The following C5orf46 variants were observed in gnomAD, a reference collection of about 807,000 sequenced individuals.
C5orf46 encodes chromosome 5 open reading frame 46, also known as uncharacterized protein C5orf46.
A neutral mutation model predicts 8.9 loss-of-function variants in C5orf46; 9 were observed. The observed-to-expected ratio is 1.01, with a 90% CI of 0.61 to 1.76. The LOEUF (loss-of-function observed/expected upper bound fraction) is 1.76. Among genes scored for constraint, C5orf46 ranks in the 40% most tolerant of loss-of-function variants. The pLI, the probability that C5orf46 is intolerant of heterozygous loss-of-function variation, is 0.00. For synonymous variants in C5orf46, 47 were observed against 41.4 expected (o/e 1.14, Z -0.52); for missense variants, 98 against 107.8 (o/e 0.91, Z 0.40).
At chr5:147,895,326 T>C (rs1223506339) in intron 3 of C5orf46, among the ~76,000 whole-genome samples, 2 of 152,140 alleles carry the variant, frequency 1.3e-5, no homozygotes, top group African/African-American at 4.8e-5. Context: ...CTCCCTAGTT[T>C]AATGTTTTTT....
chr5:147,888,528 C>T (rs189216629), downstream of C5orf46, among the ~76,000 whole-genome samples: 53 of 152,290 alleles, frequency 3.5e-4, no homozygotes, highest in East Asian at 7.3e-3. Flanking sequence ...TTTGCAAATG[C>T]CATTCACTCA....
intron 3 of C5orf46, among the ~76,000 whole-genome samples, chr5:147,893,704 G>T (rs1420413774): frequency 6.6e-6 from 1 of 152,004 alleles, no homozygotes; most frequent in Non-Finnish European, 1.5e-5. Flanking sequence ...CACCATGCCC[G>T]GCTAATTTTG....
At chr5:147,906,408 T>C in intron 1 of C5orf46, 24 bp downstream of exon 1, 2 of 1,546,348 alleles carry the variant, frequency 1.3e-6, no homozygotes, top group Non-Finnish European at 1.8e-6. Context: ...GAACAATTCA[T>C]GGGCTGTGAT....
At chr5:147,906,026 T>A (rs193274444) in intron 1 of C5orf46, among the ~76,000 whole-genome samples, 1 of 152,200 alleles carries the variant, frequency 6.6e-6, no homozygotes, top group Non-Finnish European at 1.5e-5. Flanking sequence ...CCTAGAGAGA[T>A]TGAATAGCAT....
intron 2 of C5orf46, among the ~76,000 whole-genome samples, chr5:147,897,640 T>A (rs752524746): frequency 6.6e-6 from 1 of 152,226 alleles, no homozygotes; most frequent in Non-Finnish European, 1.5e-5. Context: ...CAGATACAAG[T>A]AATTTAATAC....
chr5:147,889,673 A>T (rs1757474308), downstream of C5orf46, among the ~76,000 whole-genome samples: 1 of 152,196 alleles, frequency 6.6e-6, no homozygotes, highest in South Asian at 2.1e-4. Context: ...TTAAAAAGAA[A>T]GTAATTCCTC....
intron 1 of C5orf46, 21 bp from the exon 2 acceptor site, chr5:147,901,794 A>G (rs368816613): frequency 2.5e-6 from 4 of 1,609,710 alleles, no homozygotes; most frequent in African/African-American, 1.3e-5. Flanking sequence ...ACAGAATCTC[A>G]GAGGTGATTC....
chr5:147,899,525 A>G (rs1757634775), intron 2 of C5orf46, among the ~76,000 whole-genome samples: 1 of 152,180 alleles, frequency 6.6e-6, no homozygotes, highest in African/African-American at 2.4e-5. Flanking sequence ...GATCTGCAAG[A>G]TATCTTTCCT....
chr5:147,903,248 G>T (rs1209400883), intron 1 of C5orf46, among the ~76,000 whole-genome samples: 3 of 152,066 alleles, frequency 2.0e-5, no homozygotes, highest in Non-Finnish European at 4.4e-5. Context: ...ACCAGACTGG[G>T]TACATAAAAA....
At position 147,886,211 on chromosome 5, in the gene C5orf46, T is replaced by A. The variant is rs1196150369; in HGVS notation, n.205-5117A>T. ...GCAGGAAGGAAGTGAGTGTGTTATA[T>A]AAGAGCTGTATGAGAGATCCTTATG... On this transcript the variant is annotated intron_variant and non_coding_transcript_variant, in intron 2 of 2. Coordinates refer to the C5orf46 transcript ENST00000510432. The A allele has an allele frequency of 2.0e-5, 3 of 152,148 alleles. No individual in the cohort carries two copies. The East Asian group carries it at 5.8e-4, about 29-fold the overall frequency. The allele number at this position is 152,148 out of a possible 1,614,324, so 9.4% of individuals were successfully genotyped here.
chr5:147,890,767 T>A (rs1040498387), downstream of C5orf46, among the ~76,000 whole-genome samples: 1 of 152,124 alleles, frequency 6.6e-6, no homozygotes, highest in Non-Finnish European at 1.5e-5. Flanking sequence ...GATCCCAATA[T>A]GGCTGGAGTG....
At chr5:147,903,155 T>A (rs1014143517) in intron 1 of C5orf46, among the ~76,000 whole-genome samples, 4 of 152,190 alleles carry the variant, frequency 2.6e-5, no homozygotes, top group Admixed American at 6.5e-5. Flanking sequence ...AGTAGCTACA[T>A]GTGGTCGCCC....
At position 147,897,030 on chromosome 5, in the gene C5orf46, T is replaced by C; in HGVS notation, c.227A>G (p.Glu76Gly). 6.7e-7 allele frequency: 1 copy of C among 1,485,918 alleles called. No homozygotes were observed. Among genetic ancestry groups the C allele is most frequent in the South Asian group, 1.2e-5 (1 of 82,512 alleles). 92.0% of individuals were successfully genotyped at this position (1,485,918 alleles called of 1,614,324 possible). A position where few individuals can be genotyped will look rare whatever the true frequency, so the allele number is the denominator to read the frequency against. The stretch of plus-strand genomic sequence containing the variant: ...ATGTTTTCCTTCATTATCATCAAAT[T>C]CCATAAATCCTCTTGAGAAAAAAAG... ...RSMSRSTGFM[E>G]FDDNEGKHSS... The change falls in exon 3 of 4, where the codon GAA (glutamate) becomes GGA (glycine). Residue 76 changes from glutamate (E) to glycine (G), a missense_variant. Glu to Gly is a moderately conservative substitution (Grantham distance 98, BLOSUM62 -2). Transcript: ENST00000318315.
At chr5:147,902,416 A>G (rs576024864) in intron 1 of C5orf46, among the ~76,000 whole-genome samples, 1 of 152,238 alleles carries the variant, frequency 6.6e-6, no homozygotes, top group Admixed American at 6.5e-5. Context: ...GTTCCACTGC[A>G]CTCCAAGCCT....
At chr5:147,891,053 T>G (rs546638744), downstream of C5orf46, among the ~76,000 whole-genome samples, 1 of 152,312 alleles carries the variant, frequency 6.6e-6, no homozygotes, top group Admixed American at 6.5e-5. Flanking sequence ...GATTGTGTCC[T>G]CAGCATGTCA....
Position 147,906,422 on chromosome 5 carries a change from A to C in C5orf46, c.70+10T>G. 6.3e-7 allele frequency: 1 copy of C among 1,594,466 alleles called. No individual in the cohort carries two copies. The highest frequency in any genetic ancestry group is 8.6e-7 in the Non-Finnish European group (1 of 1,165,024). ...TGAACAATTCATGGGCTGTGATCAG[A>C]AGCACTTACCTGCATAGCAGGTCAG... On this transcript the variant is annotated intron_variant, in intron 1 of 3. Transcript: ENST00000318315.
chr5:147,897,738 G>A (rs1390543771), intron 2 of C5orf46, among the ~76,000 whole-genome samples: 3 of 152,182 alleles, frequency 2.0e-5, no homozygotes, highest in African/African-American at 7.2e-5. Flanking sequence ...GATGTTAAGT[G>A]TCTATGACTT....
intron 2 of C5orf46, among the ~76,000 whole-genome samples, chr5:147,899,730 A>G (rs1478973177): frequency 1.3e-5 from 2 of 152,250 alleles, no homozygotes; most frequent in Non-Finnish European, 2.9e-5. Context: ...GGAAGAAGAC[A>G]GTATTAACAA....
At chr5:147,898,459 T>TGGAA (rs1393358376) in intron 2 of C5orf46, among the ~76,000 whole-genome samples, 2 of 152,032 alleles carry the variant, frequency 1.3e-5, no homozygotes, top group East Asian at 1.9e-4. Flanking sequence ...TGGGCTTGGG[T>TGGAA]TTAGACCAGT....
Sources: gnomAD v4.1 joint callset for allele counts (sites outside exome capture counted in the v4.1 genomes callset) on GRCh38, gnomAD v4.1.1 for gene constraint, MANE v1.5 for transcripts, NCBI Gene and HGNC (gene_info 2026-07-23, HGNC 2026-07-21) for gene names.